Variants in PTCSC3 observed in about 807,000 individuals in gnomAD.
The protein encoded by PTCSC3 is papillary thyroid carcinoma susceptibility candidate 3.
chr14:36,162,157 G>A (rs1183372154), intron 2 of PTCSC3, among the ~76,000 whole-genome samples: 1 of 151,730 alleles, frequency 6.6e-6, no homozygotes, highest in East Asian at 1.9e-4. Flanking sequence ...TGTGGGGGTG[G>A]GATCGGCTGA....
chr14:36,142,981 A>G (rs1361193789), intron 3 of PTCSC3, among the ~76,000 whole-genome samples: 2 of 152,092 alleles, frequency 1.3e-5, no homozygotes, highest in Non-Finnish European at 2.9e-5. Context: ...TACAAAGGAC[A>G]TGAACTCATC....
At chr14:36,147,806 G>T (rs993346778) in intron 3 of PTCSC3, among the ~76,000 whole-genome samples, 1 of 151,822 alleles carries the variant, frequency 6.6e-6, no homozygotes, top group Admixed American at 6.6e-5. Context: ...TCTACTTTTG[G>T]TCTTTGATGA....
At chr14:36,163,724 A>T (rs1254645935) in intron 1 of PTCSC3, among the ~76,000 whole-genome samples, 2 of 152,190 alleles carry the variant, frequency 1.3e-5, no homozygotes, top group Non-Finnish European at 2.9e-5. Flanking sequence ...CAAGGTCAAG[A>T]AATGTTTCTT....
chr14:36,137,743 A>G (rs141440466), intron 3 of PTCSC3, among the ~76,000 whole-genome samples: 2,308 of 152,338 alleles, frequency 0.015, 29 homozygotes, highest in South Asian at 0.032. Flanking sequence ...ACATGGAGCA[A>G]CTAACATGGT....
intron 3 of PTCSC3, among the ~76,000 whole-genome samples, chr14:36,137,267 C>T (rs144266477): frequency 1.3e-3 from 203 of 151,044 alleles, no homozygotes; most frequent in African/African-American, 4.4e-3. Flanking sequence ...GGTACAACAA[C>T]GAGGCCAGTG....
chr14:36,163,497 G>T (rs1882017635), intron 1 of PTCSC3, among the ~76,000 whole-genome samples: 2 of 151,978 alleles, frequency 1.3e-5, no homozygotes, highest in South Asian at 4.2e-4. Flanking sequence ...AAGAAAGGAA[G>T]GGAGGAAAAA....
intron 1 of PTCSC3, among the ~76,000 whole-genome samples, chr14:36,163,709 A>G (rs1215165813): frequency 2.6e-5 from 4 of 152,336 alleles, no homozygotes; most frequent in South Asian, 2.1e-4. Context: ...TTTTAGTCCT[A>G]TATTCAAGGT....
chr14:36,158,200 CA>C (rs758659908), intron 2 of PTCSC3, among the ~76,000 whole-genome samples: 2 of 152,192 alleles, frequency 1.3e-5, no homozygotes, highest in Non-Finnish European at 2.9e-5. Flanking sequence ...CATCTGCAAA[CA>C]GAGACAATTT....
At chr14:36,150,929 A>G (rs939563693) in intron 3 of PTCSC3, among the ~76,000 whole-genome samples, 2 of 112,062 alleles carry the variant, frequency 1.8e-5, no homozygotes, top group African/African-American at 5.8e-5. Context: ...ATGAATAAGA[A>G]AGGTATTTTT....
intron 2 of PTCSC3, among the ~76,000 whole-genome samples, chr14:36,159,178 C>CT (rs145004208): frequency 0.49 from 70,020 of 143,700 alleles, 18,507 homozygotes; most frequent in Non-Finnish European, 0.61. Context: ...TTTTGTTGAT[C>CT]TTTAAAAAAA....
intron 3 of PTCSC3, among the ~76,000 whole-genome samples, chr14:36,151,223 T>C (rs1881714231): frequency 1.3e-5 from 2 of 152,188 alleles, no homozygotes; most frequent in Admixed American, 1.3e-4. Context: ...CTTGCTTGCA[T>C]GGTTTCTGAA....
At chr14:36,135,931 A>G (rs538607235), downstream of PTCSC3, among the ~76,000 whole-genome samples, 12 of 150,480 alleles carry the variant, frequency 8.0e-5, no homozygotes, top group Admixed American at 3.3e-4. Flanking sequence ...GTGTGTGTGT[A>G]TATATATATA....
intron 3 of PTCSC3, among the ~76,000 whole-genome samples, chr14:36,147,942 C>T (rs1218737932): frequency 3.9e-5 from 6 of 152,078 alleles, no homozygotes; most frequent in Non-Finnish European, 2.9e-5. Context: ...CAGTGTGCCC[C>T]TGCTCGGGGG....
chr14:36,157,661 T>A (rs1383147043), intron 2 of PTCSC3, among the ~76,000 whole-genome samples: 4 of 152,154 alleles, frequency 2.6e-5, no homozygotes, highest in Non-Finnish European at 5.9e-5. Flanking sequence ...CCTTTCCCCA[T>A]TGCTTGTTTT....
chr14:36,172,971 T>C (rs1205106466), intron 1 of PTCSC3, among the ~76,000 whole-genome samples: 12 of 152,124 alleles, frequency 7.9e-5, no homozygotes, highest in Non-Finnish European at 1.6e-4. Context: ...ATTGGTTATA[T>C]ACTTAATAAA....
At chr14:36,150,562 A>G (rs1881698145) in intron 3 of PTCSC3, among the ~76,000 whole-genome samples, 1 of 152,220 alleles carries the variant, frequency 6.6e-6, no homozygotes, top group Non-Finnish European at 1.5e-5. Context: ...ATACAGTTGA[A>G]TACCTGCCAC....
chr14:36,163,589 GT>G (rs1312547603), intron 1 of PTCSC3, among the ~76,000 whole-genome samples: 1 of 152,190 alleles, frequency 6.6e-6, no homozygotes, highest in Non-Finnish European at 1.5e-5. Flanking sequence ...CTGAAAACAT[GT>G]TTAGAACCCG....
chr14:36,135,759 A>G (rs1881270854), downstream of PTCSC3, among the ~76,000 whole-genome samples: 1 of 152,134 alleles, frequency 6.6e-6, no homozygotes, highest in East Asian at 1.9e-4. Flanking sequence ...AAGTCTTAAG[A>G]GATATTGCTA....
intron 1 of PTCSC3, among the ~76,000 whole-genome samples, chr14:36,175,688 A>G (rs527418589): frequency 6.6e-6 from 1 of 152,350 alleles, no homozygotes; most frequent in Admixed American, 6.5e-5. Flanking sequence ...GTTATGACTT[A>G]TCTACCAATT....
Sources: allele counts gnomAD v4.1 joint callset (sites outside exome capture counted in the v4.1 genomes callset), GRCh38; gene constraint gnomAD v4.1.1; transcripts MANE v1.5; gene names NCBI Gene and HGNC (gene_info 2026-07-23, HGNC 2026-07-21).